The following ATP11A variants were observed in gnomAD, a reference collection of about 807,000 sequenced individuals.
ATP11A encodes the protein phospholipid-transporting ATPase IH.
A neutral mutation model predicts 154.4 loss-of-function variants in ATP11A; 81 were observed. That is an observed-to-expected ratio of 0.52 (90% confidence interval 0.44 to 0.63). The LOEUF is 0.63. Ranked by LOEUF, ATP11A falls within the 30% of genes least tolerant of loss-of-function variation. The probability of loss-of-function intolerance (pLI) is 0.00; values close to 1 mark genes in which losing one functional copy is unlikely to be tolerated. For missense variants in ATP11A, 1,316 were observed against 1,474.3 expected (o/e 0.89, Z 1.76); for synonymous variants, 623 against 585.9 (o/e 1.06, Z -0.91).
rs189326609 is a variant in ATP11A at position 112,713,805 on chromosome 13, G to A, written c.39+23350G>A. On this transcript the variant is annotated intron_variant, in intron 1 of 29. Coordinates refer to ENST00000375645, the MANE Select transcript of ATP11A (RefSeq NM_015205.3). ...GTGTCCAGTTGAGGGGAAAAAGGCC[G>A]AGGATGCTGTCAGGACGCAGGCAGG... Among the ~76,000 whole-genome samples, 341 of 152,222 alleles carry A rather than the reference G, an allele frequency of 2.2e-3. 1 individual carries two copies. The highest frequency in any genetic ancestry group is 4.2e-3 in the Non-Finnish European group (285 of 68,000).
chr13:112,813,061 C>T (rs2078546876), intron 5 of ATP11A, among the ~76,000 whole-genome samples: 1 of 152,098 alleles, frequency 6.6e-6, no homozygotes, highest in Admixed American at 6.5e-5. Flanking sequence ...TGTGTCGTAA[C>T]CAAGAGGATG....
At chr13:112,800,741 C>T (rs553444423) in intron 2 of ATP11A, among the ~76,000 whole-genome samples, 12 of 152,048 alleles carry the variant, frequency 7.9e-5, no homozygotes, top group African/African-American at 1.9e-4. Flanking sequence ...ATAGAAGCAA[C>T]GATTCTCAAT....
chr13:112,755,278 G>T (rs1594560382), intron 1 of ATP11A, among the ~76,000 whole-genome samples: 1 of 152,114 alleles, frequency 6.6e-6, no homozygotes, highest in African/African-American at 2.4e-5. Context: ...GTCAGAGGTC[G>T]CTGGGTTTTC....
At chr13:112,722,768 C>G (rs57572785) in intron 1 of ATP11A, among the ~76,000 whole-genome samples, 150,067 of 152,290 alleles carry the variant, frequency 0.99, 73,947 homozygotes, top group Middle Eastern at 1. Flanking sequence ...AACCTGAGAA[C>G]CATCGAGGAA....
intron 4 of ATP11A, among the ~76,000 whole-genome samples, chr13:112,806,862 C>A (rs181066811): frequency 2.6e-5 from 4 of 152,184 alleles, no homozygotes; most frequent in African/African-American, 9.7e-5. Flanking sequence ...GTCGCCTATT[C>A]TAAACATTTC....
chr13:112,852,691 G>A (rs950091337), intron 18 of ATP11A, among the ~76,000 whole-genome samples: 4 of 151,760 alleles, frequency 2.6e-5, no homozygotes, highest in East Asian at 1.9e-4. Flanking sequence ...GGATGCCTCC[G>A]GCAGAGCAGA....
intron 1 of ATP11A, among the ~76,000 whole-genome samples, chr13:112,772,099 T>C (rs1430247846): frequency 6.6e-6 from 1 of 152,074 alleles, no homozygotes; most frequent in South Asian, 2.1e-4. Flanking sequence ...TACTGTCCTA[T>C]TTTTTTTAAT....
rs749362610 is a variant in ATP11A at position 112,854,326 on chromosome 13, G to A, written c.2039G>A (p.Gly680Glu). The change falls in exon 19 of 30, where the codon GGG (glycine) becomes GAG (glutamate). Residue 680 changes from glycine (G) to glutamate (E), a missense_variant. This residue lies in a region of ATP11A where 876 missense variants were observed against 1,006.8 expected (regional missense o/e 0.87). Transcript: ENST00000375645. ...ADTIEALQKA[G>E]IKVWVLTGDK... ...ACCATCGAGGCCCTGCAGAAGGCCGGGATCAAAGTCTGGGTTCTCACGGGA... is the reference window on the plus strand; with the variant it reads ...ACCATCGAGGCCCTGCAGAAGGCCGAGATCAAAGTCTGGGTTCTCACGGGA... 5 of 1,614,026 alleles carry A rather than the reference G, an allele frequency of 3.1e-6. No individual in the cohort carries two copies. The Admixed American group carries it at 8.3e-5, about 27-fold the overall frequency.
chr13:112,810,305 C>A (rs1465088248), intron 4 of ATP11A, among the ~76,000 whole-genome samples: 1 of 152,194 alleles, frequency 6.6e-6, no homozygotes, highest in Non-Finnish European at 1.5e-5. Flanking sequence ...AGGAATTTAT[C>A]CTAAGTCCAT....
At chr13:112,719,755 C>T (rs1390585301) in intron 1 of ATP11A, among the ~76,000 whole-genome samples, 1 of 152,162 alleles carries the variant, frequency 6.6e-6, no homozygotes. Context: ...TTGAGAAAAA[C>T]CGGTCTGTTT....
At chr13:112,743,586 G>A (rs1027158569) in intron 1 of ATP11A, among the ~76,000 whole-genome samples, 1 of 151,506 alleles carries the variant, frequency 6.6e-6, no homozygotes, top group Non-Finnish European at 1.5e-5. Context: ...AGCACTGACG[G>A]CATAGGCAGG....
At chr13:112,839,206 C>T (rs1200228200) in intron 16 of ATP11A, among the ~76,000 whole-genome samples, 3 of 152,074 alleles carry the variant, frequency 2.0e-5, no homozygotes, top group South Asian at 2.1e-4. Context: ...GGGGATCCTG[C>T]GGATGCTTAC....
intron 4 of ATP11A, among the ~76,000 whole-genome samples, chr13:112,809,285 A>G (rs1280259676): frequency 3.3e-5 from 5 of 152,242 alleles, no homozygotes; most frequent in Admixed American, 1.3e-4. Context: ...CCACAGTGTC[A>G]CTTATTAATG....
intron 11 of ATP11A, 89 bp from the exon 12 acceptor site, chr13:112,826,605 A>T: frequency 9.5e-7 from 1 of 1,047,884 alleles, no homozygotes; most frequent in South Asian, 1.3e-5. Flanking sequence ...CGTATAACTT[A>T]TGCCTAAGCC....
chr13:112,722,910 AG>A (rs60947461), intron 1 of ATP11A, among the ~76,000 whole-genome samples: 28,519 of 152,138 alleles, frequency 0.19, 2,942 homozygotes, highest in African/African-American at 0.27. Flanking sequence ...GAAGTAAAGT[AG>A]GCGGATTCAG....
At position 112,832,964 on chromosome 13, in the gene ATP11A, A is replaced by G. The variant is rs756822046; in HGVS notation, c.1500A>G (p.Lys500=). Residue 500 remains lysine (K), a synonymous_variant, in exon 14 of 30, where the codon AAA becomes AAG. Coordinates refer to ENST00000375645, the MANE Select transcript of ATP11A (RefSeq NM_015205.3). ...DGPRKSPDGG[K]SCVYISSSPD... is the part of the protein sequence containing the mutation. ...CCAGGAAATCGCCGGACGGGGGGAA[A>G]TCCTGTGTGTACATCTCATCCTCGC... 14 of 1,613,714 alleles carry G rather than the reference A, an allele frequency of 8.7e-6. No homozygotes were observed. The Admixed American group carries it at 1.3e-4, about 15-fold the overall frequency.
chr13:112,786,833 G>A (rs140249377), intron 2 of ATP11A, among the ~76,000 whole-genome samples: 4 of 152,384 alleles, frequency 2.6e-5, no homozygotes, highest in African/African-American at 4.8e-5. Context: ...GTGTCCTGCC[G>A]TGTAAACTTC....
chr13:112,720,211 C>T (rs1888992624), intron 1 of ATP11A, among the ~76,000 whole-genome samples: 2 of 152,288 alleles, frequency 1.3e-5, no homozygotes, highest in South Asian at 4.1e-4. Context: ...TTTAGGGAGA[C>T]AGGACTCACA....
chr13:112,834,629 G>T lies in ATP11A; in HGVS notation c.1600G>T (p.Glu534Ter). 1 of 1,614,036 alleles carries T rather than the reference G, an allele frequency of 6.2e-7. No individual in the cohort carries two copies. Among genetic ancestry groups the T allele is most frequent in the Non-Finnish European group, 8.5e-7 (1 of 1,179,900 alleles). Residue 534 changes from glutamate to a stop codon, truncating the protein, a stop_gained, in exon 15 of 30, where the codon GAG becomes TAG. Transcript: ENST00000375645. LOFTEE classifies it high-confidence loss of function. ...TYLRLKDNYM[E>*]ILNRENHIER... ...CCTAAGGCTGAAGGACAATTACATG[G>T]AGATATTAAACAGGGAGAACCACAT...
Sources: allele counts gnomAD v4.1 joint callset (sites outside exome capture counted in the v4.1 genomes callset), GRCh38; gene constraint gnomAD v4.1.1; regional missense constraint gnomAD v4.1.1; transcripts MANE v1.5; gene names NCBI Gene and HGNC (gene_info 2026-07-23, HGNC 2026-07-21).